CBFA2T2: variants seen among roughly 807,000 people sequenced by gnomAD.
CBFA2T2 encodes CBFA2/RUNX1 partner transcriptional co-repressor 2.
CBFA2T2 carries 11 observed loss-of-function variants against 62.2 expected under a neutral mutation model. The observed-to-expected ratio is 0.18, with a 90% CI of 0.11 to 0.29. CBFA2T2 has a LOEUF of 0.29. CBFA2T2 is among the 10% of genes least tolerant of loss of function. CBFA2T2 has a pLI of 1.00. For synonymous variants in CBFA2T2, 295 were observed against 287.5 expected, an observed-to-expected ratio of 1.03 and a Z score of -0.27; for missense variants, 592 against 774.1, an observed-to-expected ratio of 0.76 and a Z score of 2.79.
chr20:33,505,053 G>A (rs2011377865), intron 1 of CBFA2T2, among the ~76,000 whole-genome samples: 1 of 152,054 alleles, frequency 6.6e-6, no homozygotes, highest in South Asian at 2.1e-4. Flanking sequence ...AATTTTTATA[G>A]CAATTAAGGT....
intron 1 of CBFA2T2, among the ~76,000 whole-genome samples, chr20:33,515,879 G>C (rs1219099140): frequency 6.6e-6 from 1 of 150,946 alleles, no homozygotes; most frequent in Non-Finnish European, 1.5e-5. Context: ...AAAAATTACA[G>C]TGTCGAGAAG....
At chr20:33,577,869 A>G (rs1257430671) in intron 1 of CBFA2T2, among the ~76,000 whole-genome samples, 4 of 152,170 alleles carry the variant, frequency 2.6e-5, no homozygotes, top group African/African-American at 9.7e-5. Flanking sequence ...TTTTAGCACC[A>G]TTCTTTGCGT....
At chr20:33,599,522 T>C (rs1012459556) in intron 1 of CBFA2T2, among the ~76,000 whole-genome samples, 2 of 152,218 alleles carry the variant, frequency 1.3e-5, no homozygotes, top group African/African-American at 4.8e-5. Context: ...AAGTATTGAT[T>C]TTGTTTTAAT....
At position 33,624,899 on chromosome 20, in the gene CBFA2T2, T is replaced by C. The variant is rs751126351; in HGVS notation, c.828T>C (p.His276=). The C allele has an allele frequency of 4.3e-6, 7 of 1,614,012 alleles. No individual in the cohort carries two copies. The highest frequency in any genetic ancestry group is 5.9e-6 in the Non-Finnish European group (7 of 1,180,024). ...VPLMNPGGQF[H]PTPPPLQHYT... is the part of the protein sequence containing the mutation. ...TCATGAATCCCGGGGGCCAATTCCA[T>C]CCTACCCCTCCACCTCTTCAGCATT... Residue 276 remains histidine, a synonymous_variant, in exon 6 of 11, where the codon CAT becomes CAC. Coordinates refer to ENST00000342704, the MANE Select transcript of CBFA2T2 (RefSeq NM_001032999.3).
chr20:33,561,339 T>G (rs375495387), intron 1 of CBFA2T2, among the ~76,000 whole-genome samples: 19 of 152,166 alleles, frequency 1.2e-4, no homozygotes, highest in African/African-American at 4.6e-4. Context: ...CCTCCCAAAG[T>G]GTTGGGATTA....
intron 1 of CBFA2T2, among the ~76,000 whole-genome samples, chr20:33,531,690 C>T (rs746431243): frequency 1.1e-4 from 16 of 152,238 alleles, no homozygotes; most frequent in East Asian, 3.9e-4. Flanking sequence ...CCTGGGTGGG[C>T]GAGCTAAACT....
intron 1 of CBFA2T2, among the ~76,000 whole-genome samples, chr20:33,597,548 A>G (rs2014945035): frequency 6.6e-6 from 1 of 152,108 alleles, no homozygotes. Flanking sequence ...ATGGCATTAG[A>G]TTCTCATTAG....
intron 8 of CBFA2T2, among the ~76,000 whole-genome samples, chr20:33,635,998 A>G (rs1466062139): frequency 6.6e-6 from 1 of 152,198 alleles, no homozygotes; most frequent in Non-Finnish European, 1.5e-5. Flanking sequence ...ATTTAAAGAT[A>G]ATGTTTCCTA....
At chr20:33,586,078 A>G (rs1257192919) in intron 1 of CBFA2T2, among the ~76,000 whole-genome samples, 1 of 152,224 alleles carries the variant, frequency 6.6e-6, no homozygotes. Flanking sequence ...TTAATGTGTT[A>G]TGGTAATTTA....
At chr20:33,543,171 G>T (rs892306813) in intron 1 of CBFA2T2, among the ~76,000 whole-genome samples, 2 of 151,998 alleles carry the variant, frequency 1.3e-5, no homozygotes, top group Admixed American at 1.3e-4. Context: ...ATGCCACCAT[G>T]CCCGGCTAAC....
intron 1 of CBFA2T2, among the ~76,000 whole-genome samples, chr20:33,545,921 C>T (rs993578898): frequency 1.3e-5 from 2 of 152,142 alleles, no homozygotes; most frequent in Non-Finnish European, 2.9e-5. Context: ...TATGATTAGA[C>T]TTAGTCAATA....
intron 1 of CBFA2T2, among the ~76,000 whole-genome samples, chr20:33,519,234 C>T (rs2146860050): frequency 6.6e-6 from 1 of 152,208 alleles, no homozygotes; most frequent in Admixed American, 6.5e-5. Context: ...CTTTGGGAGG[C>T]CAAGATGGGC....
intron 10 of CBFA2T2, among the ~76,000 whole-genome samples, chr20:33,641,833 C>T (rs2016850546): frequency 6.6e-6 from 1 of 152,024 alleles, no homozygotes. Flanking sequence ...TCCACCCAAC[C>T]TTGGCCTCCC....
Position 33,647,709 on chromosome 20 carries a change from T to G in CBFA2T2, c.*3063T>G, listed in dbSNP as rs2122418307. Reference sequence around the variant, plus strand: ...TATTAGGGCTCGATGCCCATTTCTGTGGCTAAGGCTTAGGTTTGGTGTGCA... The same window carrying G: ...TATTAGGGCTCGATGCCCATTTCTGGGGCTAAGGCTTAGGTTTGGTGTGCA... On this transcript the variant is annotated 3_prime_UTR_variant, in exon 11 of 11. Transcript: ENST00000342704. 1 of 152,350 alleles carries G rather than the reference T, an allele frequency of 6.6e-6. No homozygotes were observed. Among genetic ancestry groups the G allele is most frequent in the South Asian group, 2.1e-4 (1 of 4,830 alleles). The allele number at this position is 152,350 out of a possible 1,614,324, so 9.4% of individuals were successfully genotyped here.
chr20:33,574,600 G>T (rs1241819941), intron 1 of CBFA2T2, among the ~76,000 whole-genome samples: 1 of 152,210 alleles, frequency 6.6e-6, no homozygotes, highest in Non-Finnish European at 1.5e-5. Flanking sequence ...ACTCCAGCCT[G>T]GGAAACGAGT....
chr20:33,544,739 G>A (rs1280057798), intron 1 of CBFA2T2, among the ~76,000 whole-genome samples: 1 of 151,806 alleles, frequency 6.6e-6, no homozygotes, highest in African/African-American at 2.4e-5. Flanking sequence ...TAGAGATGGG[G>A]TTTCACCATA....
At chr20:33,571,358 G>C (rs915285978) in intron 1 of CBFA2T2, among the ~76,000 whole-genome samples, 2 of 152,168 alleles carry the variant, frequency 1.3e-5, no homozygotes, top group Non-Finnish European at 2.9e-5. Context: ...AATTGAATAA[G>C]TGAAAATAGT....
At chr20:33,553,352 G>A (rs187895766) in intron 1 of CBFA2T2, among the ~76,000 whole-genome samples, 7 of 152,156 alleles carry the variant, frequency 4.6e-5, no homozygotes, top group Admixed American at 2.6e-4. Context: ...TCAGCCTCCC[G>A]AGTAGCTGGG....
At chr20:33,549,025 A>C (rs1245411089) in intron 1 of CBFA2T2, among the ~76,000 whole-genome samples, 1 of 152,178 alleles carries the variant, frequency 6.6e-6, no homozygotes, top group Non-Finnish European at 1.5e-5. Flanking sequence ...CATTGTACTT[A>C]AGAATGAGCT....
Sources: allele counts gnomAD v4.1 joint callset (sites outside exome capture counted in the v4.1 genomes callset), GRCh38; gene constraint gnomAD v4.1.1; transcripts MANE v1.5; gene names NCBI Gene and HGNC (gene_info 2026-07-23, HGNC 2026-07-21).